ZFAND6: variants seen among roughly 807,000 people sequenced by gnomAD.
ZFAND6 encodes AN1-type zinc finger protein 6.
In ZFAND6, 12 loss-of-function variants were observed where a neutral mutation model predicts 24.5. The observed-to-expected ratio is 0.49, with a 90% CI of 0.31 to 0.79. The LOEUF (loss-of-function observed/expected upper bound fraction) is 0.79, where lower values mean the gene tolerates loss of function less well. Ranked by LOEUF, ZFAND6 falls within the 30% of genes least tolerant of loss-of-function variation. The pLI is 0.04. For synonymous variants in ZFAND6, 92 were observed against 81.5 expected, an observed-to-expected ratio of 1.13 and a Z score of -0.69; for missense variants, 207 against 245.9, an observed-to-expected ratio of 0.84 and a Z score of 1.06.
chr15:80,096,059 A>C (rs76638324), intron 1 of ZFAND6, among the ~76,000 whole-genome samples: 1,957 of 152,336 alleles, frequency 0.013, 24 homozygotes, highest in Middle Eastern at 0.024. Context: ...TTTGGAGACA[A>C]ATAGATTTGG....
intron 2 of ZFAND6, among the ~76,000 whole-genome samples, chr15:80,108,137 A>G (rs117230764): frequency 2.2e-3 from 335 of 152,332 alleles, no homozygotes; most frequent in Non-Finnish European, 3.2e-3. Flanking sequence ...AGTTCTATAT[A>G]AGTATTGCTC....
intron 2 of ZFAND6, among the ~76,000 whole-genome samples, chr15:80,118,605 A>G (rs890446868): frequency 6.6e-6 from 1 of 152,324 alleles, no homozygotes; most frequent in African/African-American, 2.4e-5. Context: ...ACAGGGCTGT[A>G]GAAGAAAGAG....
chr15:80,117,609 C>T (rs2039938916), intron 2 of ZFAND6, among the ~76,000 whole-genome samples: 1 of 152,206 alleles, frequency 6.6e-6, no homozygotes, highest in South Asian at 2.1e-4. Flanking sequence ...AGTCAGCTCA[C>T]AACTCAAACA....
Position 80,120,328 on chromosome 15 carries a change from G to T in ZFAND6, c.-17G>T. On this transcript the variant is annotated splice_region_variant and 5_prime_UTR_variant, in exon 3 of 7. Coordinates refer to ENST00000261749, the MANE Select transcript of ZFAND6 (RefSeq NM_019006.4). ...TTTGCTAATTTTATGTAATTTTCAG[G>T]TGTGCAACTGAGGAACATGGCTCAA... 2 of 1,532,348 alleles carry T rather than the reference G, an allele frequency of 1.3e-6. No individual in the cohort carries two copies. Among genetic ancestry groups the T allele is most frequent in the Non-Finnish European group, 8.8e-7 (1 of 1,133,178 alleles). The allele number at this position is 1,532,348 out of a possible 1,614,324, so 94.9% of individuals were successfully genotyped here.
chr15:80,090,529 C>A (rs1311884965), intron 1 of ZFAND6, among the ~76,000 whole-genome samples: 2 of 152,198 alleles, frequency 1.3e-5, no homozygotes, highest in Non-Finnish European at 2.9e-5. Flanking sequence ...CAATTCTGTT[C>A]TTACTATTTG....
At chr15:80,086,045 T>A (rs1291936694) in intron 1 of ZFAND6, among the ~76,000 whole-genome samples, 1 of 152,192 alleles carries the variant, frequency 6.6e-6, no homozygotes, top group Non-Finnish European at 1.5e-5. Context: ...TATTTATTTA[T>A]TTGTTTTTGA....
At chr15:80,132,593 C>G (rs370316307) in intron 6 of ZFAND6, among the ~76,000 whole-genome samples, 25 of 152,312 alleles carry the variant, frequency 1.6e-4, no homozygotes, top group African/African-American at 6.0e-4. Context: ...AAATGCCACA[C>G]ATTTTAATCG....
intron 2 of ZFAND6, among the ~76,000 whole-genome samples, chr15:80,107,359 A>G (rs1243411860): frequency 1.3e-5 from 2 of 152,216 alleles, no homozygotes; most frequent in African/African-American, 4.8e-5. Context: ...TGACATCACC[A>G]TATTATGTGA....
chr15:80,061,738 T>G (rs1296533792), intron 1 of ZFAND6, among the ~76,000 whole-genome samples: 1 of 152,204 alleles, frequency 6.6e-6, no homozygotes, highest in African/African-American at 2.4e-5. Context: ...TTATAAGCAG[T>G]CTTGCTCTGT....
chr15:80,087,916 A>G (rs1326130236), intron 1 of ZFAND6, among the ~76,000 whole-genome samples: 1 of 152,174 alleles, frequency 6.6e-6, no homozygotes, highest in Non-Finnish European at 1.5e-5. Context: ...TTGTATATAT[A>G]ATACATATGC....
At chr15:80,101,845 T>C (rs2039050868) in intron 2 of ZFAND6, among the ~76,000 whole-genome samples, 1 of 143,860 alleles carries the variant, frequency 7.0e-6, no homozygotes, top group African/African-American at 2.6e-5. Flanking sequence ...CAGGCTGGAG[T>C]GCAGTGGTGC....
chr15:80,069,313 T>G (rs117596724), intron 1 of ZFAND6, among the ~76,000 whole-genome samples: 1 of 152,214 alleles, frequency 6.6e-6, no homozygotes, highest in African/African-American at 2.4e-5. Context: ...ACTATTGTGA[T>G]CCCTGTTTCT....
chr15:80,079,243 C>T (rs1405664682), intron 1 of ZFAND6, among the ~76,000 whole-genome samples: 12 of 151,346 alleles, frequency 7.9e-5, no homozygotes, highest in South Asian at 2.1e-4. Flanking sequence ...TTTTTGGAGA[C>T]GGAGTCTCGC....
At chr15:80,115,478 G>T (rs1229395438) in intron 2 of ZFAND6, among the ~76,000 whole-genome samples, 1 of 152,108 alleles carries the variant, frequency 6.6e-6, no homozygotes, top group Non-Finnish European at 1.5e-5. Flanking sequence ...TTTCCTCCCT[G>T]ATCATTTGAA....
intron 1 of ZFAND6, among the ~76,000 whole-genome samples, chr15:80,085,197 A>G (rs1397895368): frequency 6.6e-6 from 1 of 152,174 alleles, no homozygotes; most frequent in Admixed American, 6.5e-5. Context: ...CCTGTTCATT[A>G]TCTCTTTTTC....
At chr15:80,065,030 C>G (rs368076435) in intron 1 of ZFAND6, among the ~76,000 whole-genome samples, 3 of 86,020 alleles carry the variant, frequency 3.5e-5, no homozygotes, top group South Asian at 3.7e-4. Flanking sequence ...TTTAACAAAA[C>G]AAAAAAACAG....
At chr15:80,118,816 T>A (rs1358655894) in intron 2 of ZFAND6, among the ~76,000 whole-genome samples, 1 of 152,180 alleles carries the variant, frequency 6.6e-6, no homozygotes, top group Non-Finnish European at 1.5e-5. Flanking sequence ...TCAAGTGCAT[T>A]ATTGCTCTTG....
At chr15:80,070,280 T>G (rs2036900242) in intron 1 of ZFAND6, among the ~76,000 whole-genome samples, 1 of 152,234 alleles carries the variant, frequency 6.6e-6, no homozygotes, top group Non-Finnish European at 1.5e-5. Flanking sequence ...TGGGAAACTT[T>G]CTGGGCTTCC....
rs758324176 is a variant in ZFAND6, at chr15:80,120,423, A to T, written c.79A>T (p.Asn27Tyr). ...GCGFYGNPRT[N>Y]GMCSVCYKEH... ...TGGATTTTATGGAAACCCTCGTACA[A>T]ATGGCATGTGTTCAGTATGCTATAA... Residue 27 changes from asparagine to tyrosine, a missense_variant, in exon 3 of 7, where the codon AAT (asparagine) becomes TAT (tyrosine). Physicochemically the swap from Asn to Tyr is moderately radical, Grantham distance 143. This residue lies in a region of ZFAND6 where 29 missense variants were observed against 55.4 expected (regional missense o/e 0.52). Transcript: ENST00000261749. 2.8e-5 allele frequency: 45 copies of T among 1,607,590 alleles called. No individual in the cohort carries two copies. Among genetic ancestry groups the T allele is most frequent in the Admixed American group, 5.0e-5 (3 of 59,722 alleles).
Sources: allele counts gnomAD v4.1 joint callset (sites outside exome capture counted in the v4.1 genomes callset), GRCh38; gene constraint gnomAD v4.1.1; regional missense constraint gnomAD v4.1.1; transcripts MANE v1.5; gene names NCBI Gene and HGNC (gene_info 2026-07-23, HGNC 2026-07-21).